The following ANPEP variants were observed in gnomAD, a reference collection of about 807,000 sequenced individuals.
The protein encoded by ANPEP is alanyl aminopeptidase, membrane.
Under a neutral mutation model 114.6 loss-of-function variants are expected in ANPEP, and 70 were observed. The observed-to-expected ratio is 0.61, with a 90% CI of 0.50 to 0.75. The LOEUF is 0.75. Ranked by LOEUF, ANPEP falls within the 30% of genes least tolerant of loss-of-function variation. ANPEP has a pLI of 0.00. For synonymous variants in ANPEP, 548 were observed against 522.3 expected, an observed-to-expected ratio of 1.05 and a Z score of -0.67; for missense variants, 1,184 against 1,259.5, an observed-to-expected ratio of 0.94 and a Z score of 0.91.
rs115627096 is a variant in ANPEP, at chr15:89,797,641, G to A, written c.2091C>T (p.Ala697=). 6 of 1,614,088 alleles carry A rather than the reference G, an allele frequency of 3.7e-6. No homozygotes were observed. The highest frequency in any genetic ancestry group is 1.7e-5 in the Admixed American group (1 of 60,020). The part of the protein sequence containing the change: ...IEERQYMPWE[A]ALSSLSYFKL... ...TGAAGTAGCTCAGGCTGCTCAGGGC[G>A]GCCTCCCAGGGCATGTACTGTCTCT... is the stretch of plus-strand genomic sequence containing the variant. The change falls in exon 15 of 21, where the codon GCC becomes GCT. Residue 697 remains alanine, a synonymous_variant. Coordinates refer to ENST00000300060, the MANE Select transcript of ANPEP (RefSeq NM_001150.3).
chr15:89,794,449 G>A (rs909035998), intron 15 of ANPEP, among the ~76,000 whole-genome samples: 11 of 152,016 alleles, frequency 7.2e-5, no homozygotes, highest in African/African-American at 1.7e-4. Flanking sequence ...GGGCCACTGC[G>A]CTCCAGCCTG....
At chr15:89,804,031 C>G in intron 6 of ANPEP, 29 bp from the exon 7 acceptor site, 12 of 1,608,358 alleles carry the variant, frequency 7.5e-6, no homozygotes, top group Non-Finnish European at 9.4e-6. Flanking sequence ...GCTGGGCAAG[C>G]CACGCCCAGG....
At chr15:89,785,869 T>TA (rs953600435) in intron 20 of ANPEP, among the ~76,000 whole-genome samples, 26 of 150,082 alleles carry the variant, frequency 1.7e-4, no homozygotes, top group African/African-American at 3.9e-4. Flanking sequence ...TAAATGGGTT[T>TA]AAAAAAAAAA....
intron 1 of ANPEP, among the ~76,000 whole-genome samples, chr15:89,812,068 G>A (rs1404704687): frequency 2.0e-5 from 3 of 152,234 alleles, no homozygotes; most frequent in African/African-American, 7.2e-5. Flanking sequence ...TTGTGGGTGG[G>A]GAGAGGCTCC....
At chr15:89,810,388 A>T in intron 1 of ANPEP, among the ~76,000 whole-genome samples, 1 of 151,680 alleles carries the variant, frequency 6.6e-6, no homozygotes, top group South Asian at 2.1e-4. Flanking sequence ...CAAAAAATAA[A>T]TAAATAAATA....
chr15:89,794,146 A>G (rs981446935), intron 15 of ANPEP, among the ~76,000 whole-genome samples: 4 of 152,192 alleles, frequency 2.6e-5, no homozygotes, highest in African/African-American at 9.7e-5. Context: ...AATCTGCAGA[A>G]GGGGAGACAG....
chr15:89,791,157 T>G, intron 18 of ANPEP, 64 bp from the exon 19 acceptor site: 3 of 1,571,204 alleles, frequency 1.9e-6, no homozygotes, highest in Non-Finnish European at 2.6e-6. Context: ...GAACTTGGAC[T>G]GTCCCACGCA....
intron 19 of ANPEP, 25 bp downstream of exon 19, chr15:89,790,928 C>G: frequency 1.2e-6 from 2 of 1,612,134 alleles, no homozygotes; most frequent in Non-Finnish European, 1.7e-6. Context: ...GCTCGCTGTC[C>G]CTGACACCCA....
At chr15:89,801,061 G>A (rs1273843936) in intron 12 of ANPEP, 50 bp downstream of exon 12, 1 of 1,537,416 alleles carries the variant, frequency 6.5e-7, no homozygotes, top group Non-Finnish European at 9.0e-7. Context: ...TGGGCCAGGA[G>A]CTAGGAGTAT....
intron 20 of ANPEP, among the ~76,000 whole-genome samples, chr15:89,786,415 A>C (rs889258886): frequency 8.2e-5 from 11 of 134,624 alleles, no homozygotes; most frequent in African/African-American, 3.2e-4. Flanking sequence ...GCGGAAATTG[A>C]TCAGTGATCC....
chr15:89,790,612 G>T (rs564546671), intron 19 of ANPEP, 71 bp from the exon 20 acceptor site: 2 of 1,353,164 alleles, frequency 1.5e-6, no homozygotes, highest in Non-Finnish European at 2.1e-6. Flanking sequence ...ACACCTACTG[G>T]GTAGGGAGCC....
rs565726103 is a variant in ANPEP, at chr15:89,811,061, G to A, written c.-224+3711C>T. On this transcript the variant is annotated intron_variant, in intron 1 of 20. Transcript: ENST00000300060. Reference sequence around the variant, plus strand: ...GTGCCGTATCCTCTACACCTGGCGTGCAGTGGGAGGGCAACACGTGCTTGT... The same window carrying A: ...GTGCCGTATCCTCTACACCTGGCGTACAGTGGGAGGGCAACACGTGCTTGT... 9.8e-5 allele frequency among the ~76,000 whole-genome samples: 15 copies of A among 152,334 alleles called. No homozygotes were observed. The East Asian group carries it at 2.5e-3, about 25-fold the overall frequency.
At position 89,792,331 on chromosome 15, in the gene ANPEP, G is replaced by A. The variant is rs1438067388; in HGVS notation, c.2361-4C>T. ...GGACCGCAGGTTGGGGTGGATCCTGGTGTGGGGTAGGGAGGTCAGGTGTGG... is the reference window on the plus strand; with the variant it reads ...GGACCGCAGGTTGGGGTGGATCCTGATGTGGGGTAGGGAGGTCAGGTGTGG... On this transcript the variant is annotated splice_polypyrimidine_tract_variant and splice_region_variant and intron_variant, in intron 17 of 20. Coordinates refer to ENST00000300060, the MANE Select transcript of ANPEP (RefSeq NM_001150.3). The A allele has an allele frequency of 3.1e-6, 5 of 1,613,990 alleles. No individual in the cohort carries two copies. The African/African-American group carries it at 6.7e-5, about 22-fold the overall frequency.
chr15:89,803,351 G>A lies in ANPEP; in HGVS notation c.1504-47C>T. ...TGAGAGCACAGCTGGAGCCCCCCAG[G>A]CTCCCCCTCTGTGGTGGGCAGAGGC... On this transcript the variant is annotated intron_variant, in intron 9 of 20. Transcript: ENST00000300060. The surrounding 1 kb of genome is among the most constrained non-coding windows in gnomAD (Gnocchi z 4.2). The A allele has an allele frequency of 6.2e-7, 1 of 1,613,388 alleles. No individual in the cohort carries two copies. The highest frequency in any genetic ancestry group is 1.7e-5 in the Admixed American group (1 of 60,020).
In ANPEP at chr15:89,801,475, G is replaced by A. The variant is rs1367726565; in HGVS notation, c.1702C>T (p.Leu568Phe). The A allele has an allele frequency of 1.9e-6, 3 of 1,614,190 alleles. 1 individual carries two copies. The South Asian group carries it at 3.3e-5, about 18-fold the overall frequency. The change falls in exon 11 of 21, where the codon CTT becomes TTT. Residue 568 changes from leucine (L) to phenylalanine (F), a missense_variant. Transcript: ENST00000300060. ...TGTLSQEHFLLDPDSNVTRPS... is the reference protein window; with the variant it reads ...TGTLSQEHFLFDPDSNVTRPS... ...CGGGTAACATTGGAATCGGGGTCAA[G>A]GAGGAAGTGCTCCTGGGAAAGGGTC...
intron 14 of ANPEP, 24 bp from the exon 15 acceptor site, chr15:89,797,746 A>G: frequency 1.2e-6 from 2 of 1,613,522 alleles, no homozygotes; most frequent in Non-Finnish European, 1.7e-6. Context: ...GAGGGGCCCA[A>G]GTAAAGCACC....
At chr15:89,793,197 G>A in intron 15 of ANPEP, 71 bp from the exon 16 acceptor site, 1 of 1,385,314 alleles carries the variant, frequency 7.2e-7, no homozygotes, top group Non-Finnish European at 1.0e-6. Flanking sequence ...CAGAGCCTCT[G>A]ATGTTGGGGG....
chr15:89,810,084 G>C (rs1000713398), intron 1 of ANPEP, among the ~76,000 whole-genome samples: 12 of 152,062 alleles, frequency 7.9e-5, no homozygotes, highest in African/African-American at 2.4e-4. Context: ...CAGCACTTAG[G>C]AAAATGCCAC....
At chr15:89,812,920 G>A (rs1349152109) in intron 1 of ANPEP, among the ~76,000 whole-genome samples, 1 of 152,158 alleles carries the variant, frequency 6.6e-6, no homozygotes. Flanking sequence ...CATTTGGCCA[G>A]ACCAGGGCTG....
Sources: allele counts gnomAD v4.1 joint callset (sites outside exome capture counted in the v4.1 genomes callset), GRCh38; gene constraint gnomAD v4.1.1; non-coding constraint Gnocchi (gnomAD v3.1); transcripts MANE v1.5; gene names NCBI Gene and HGNC (gene_info 2026-07-23, HGNC 2026-07-21).